Variants in COG6 observed in about 807,000 individuals in gnomAD.
COG6 encodes component of oligomeric golgi complex 6.
A neutral mutation model predicts 88.8 loss-of-function variants in COG6; 74 were observed. The observed-to-expected ratio is 0.83, with a 90% confidence interval of 0.69 to 1.01. The LOEUF is 1.01. Among genes scored for constraint, COG6 ranks in the 50% least tolerant of loss-of-function variants. The pLI is 0.00. For missense variants in COG6, 800 were observed against 797.9 expected, an observed-to-expected ratio of 1.00 and a Z score of -0.03; for synonymous variants, 286 against 278.7, an observed-to-expected ratio of 1.03 and a Z score of -0.26.
At chr13:39,736,119 T>G (rs1057042107) in intron 18 of COG6, among the ~76,000 whole-genome samples, 5 of 152,158 alleles carry the variant, frequency 3.3e-5, no homozygotes, top group African/African-American at 1.2e-4. Flanking sequence ...GCCTCCTCTT[T>G]AAGGCCAACA....
intron 18 of COG6, among the ~76,000 whole-genome samples, chr13:39,773,724 T>A (rs1387672128): frequency 6.6e-6 from 1 of 152,214 alleles, no homozygotes; most frequent in Non-Finnish European, 1.5e-5. Context: ...TTAAGTTCTA[T>A]CCACCTCACA....
At chr13:39,672,606 C>T (rs1338278665) in intron 4 of COG6, among the ~76,000 whole-genome samples, 2 of 151,942 alleles carry the variant, frequency 1.3e-5, no homozygotes, top group Non-Finnish European at 2.9e-5. Flanking sequence ...AATAGTATTC[C>T]ATTGTATAGC....
Position 39,752,506 on chromosome 13 carries a change from G to A in COG6, c.*1413G>A. On this transcript the variant is annotated 3_prime_UTR_variant, in exon 19 of 19. Coordinates refer to ENST00000455146, the MANE Select transcript of COG6 (RefSeq NM_020751.3). ...AAAGTATAAATCAAGAGCTTAAATT[G>A]TATATAATTTATTTCTACAGAGAAA... 2 of 1,157,084 alleles carry A rather than the reference G, an allele frequency of 1.7e-6. No individual in the cohort carries two copies. Among genetic ancestry groups the A allele is most frequent in the Non-Finnish European group, 2.3e-6 (2 of 885,476 alleles). 71.7% of individuals were successfully genotyped at this position (1,157,084 alleles called of 1,614,324 possible). A position where few individuals can be genotyped will look rare whatever the true frequency, so the allele number is the denominator to read the frequency against.
intron 12 of COG6, 60 bp downstream of exon 12, chr13:39,694,785 C>A: frequency 1.1e-6 from 1 of 937,176 alleles, no homozygotes; most frequent in Non-Finnish European, 1.7e-6. Flanking sequence ...TCAGTTAGAG[C>A]ACAGTATAAG....
chr13:39,750,672 T>C (rs1185669515), intron 18 of COG6, among the ~76,000 whole-genome samples: 3 of 152,182 alleles, frequency 2.0e-5, no homozygotes, highest in Non-Finnish European at 4.4e-5. Flanking sequence ...GGCACAAATA[T>C]ATAGCAGTCC....
Position 39,689,776 on chromosome 13 carries a change from T to G in COG6, c.1026T>G (p.Ile342Met). 6.2e-7 allele frequency: 1 copy of G among 1,609,154 alleles called. No homozygotes were observed. The highest frequency in any genetic ancestry group is 1.7e-5 in the Admixed American group (1 of 59,922). Residue 342 changes from isoleucine to methionine, a missense_variant, in exon 11 of 19, where the codon ATT (isoleucine) becomes ATG (methionine). Coordinates refer to ENST00000455146, the MANE Select transcript of COG6 (RefSeq NM_020751.3). ...TAATTTTAGGTGTTGAAGAAAATAT[T>G]CAAGAAGTTGTTGGGCATATCACTG... Reference protein sequence around the residue: ...HVTTQGVEENIQEVVGHITEG... With the variant: ...HVTTQGVEENMQEVVGHITEG...
At chr13:39,775,618 T>A (rs1370375732) in intron 18 of COG6, among the ~76,000 whole-genome samples, 1 of 152,170 alleles carries the variant, frequency 6.6e-6, no homozygotes, top group Non-Finnish European at 1.5e-5. Context: ...CCTGTGACCT[T>A]GCTTGAGTGG....
At chr13:39,661,014 A>G in intron 3 of COG6, 133 bp downstream of exon 3, 3 of 653,786 alleles carry the variant, frequency 4.6e-6, no homozygotes, top group Non-Finnish European at 8.1e-6. Flanking sequence ...CCTTATTTTT[A>G]AAAATTGTAG....
At chr13:39,750,313 A>G (rs1368466118) in intron 18 of COG6, among the ~76,000 whole-genome samples, 1 of 152,134 alleles carries the variant, frequency 6.6e-6, no homozygotes, top group Non-Finnish European at 1.5e-5. Flanking sequence ...TAATGAACCA[A>G]TACTGTTTTT....
intron 15 of COG6, among the ~76,000 whole-genome samples, chr13:39,720,774 A>AT (rs958773430): frequency 2.6e-5 from 4 of 151,734 alleles, no homozygotes; most frequent in African/African-American, 4.8e-5. Context: ...CTACTTATAG[A>AT]TTTTTTTTAG....
At chr13:39,788,521 G>C in exon 19 of COG6, 1 of 649,900 alleles carries the variant, frequency 1.5e-6, no homozygotes, top group Admixed American at 2.7e-5. Context: ...TGGAAATGCT[G>C]TGAGGGATGA....
intron 13 of COG6, among the ~76,000 whole-genome samples, chr13:39,709,702 T>C (rs1289159919): frequency 1.3e-5 from 2 of 152,284 alleles, no homozygotes; most frequent in East Asian, 3.9e-4. Flanking sequence ...TGTGTGTATA[T>C]GTGATATGTA....
intron 18 of COG6, among the ~76,000 whole-genome samples, chr13:39,775,396 A>G (rs1566046348): frequency 6.6e-6 from 1 of 152,226 alleles, no homozygotes; most frequent in Non-Finnish European, 1.5e-5. Context: ...AAAAAGAAAA[A>G]GTATACAACA....
chr13:39,742,604 C>G (rs1239071509), intron 18 of COG6, among the ~76,000 whole-genome samples: 1 of 152,100 alleles, frequency 6.6e-6, no homozygotes, highest in Non-Finnish European at 1.5e-5. Context: ...ATTCATAAAG[C>G]AAGTCCTTAG....
Position 39,719,776 on chromosome 13 carries a change from A to T in COG6, c.1533A>T (p.Thr511=), listed in dbSNP as rs201542120. The T allele has an allele frequency of 1.3e-4, 203 of 1,612,778 alleles. No individual in the cohort carries two copies. Among genetic ancestry groups the T allele is most frequent in the Non-Finnish European group, 1.7e-4 (196 of 1,179,112 alleles). ...ATTCACTATATATGATGAAGACAAC[A>T]TTAGCTCTATTTGAATTCACTGACA... ...MVNSLYMMKT[T]LALFEFTDRR... Residue 511 remains threonine, a synonymous_variant, in exon 15 of 19, where the codon ACA becomes ACT. Transcript: ENST00000455146.
chr13:39,776,729 G>A (rs551416963), intron 18 of COG6, among the ~76,000 whole-genome samples: 1 of 151,820 alleles, frequency 6.6e-6, no homozygotes, highest in South Asian at 2.1e-4. Flanking sequence ...CTGGTCTTTA[G>A]TGACTCAGGT....
At chr13:39,789,342 G>T (rs1881869051) in exon 19 of COG6, 1 of 152,158 alleles carries the variant, frequency 6.6e-6, no homozygotes, top group Admixed American at 6.5e-5. Context: ...TGATTTTGTT[G>T]TTAAGAATCA....
intron 18 of COG6, among the ~76,000 whole-genome samples, chr13:39,781,162 T>C (rs573731310): frequency 3.3e-5 from 5 of 152,024 alleles, no homozygotes; most frequent in Non-Finnish European, 5.9e-5. Flanking sequence ...GTGAAGGGCC[T>C]GGGGGTGGGG....
chr13:39,726,079 G>T (rs1229682823), intron 17 of COG6, among the ~76,000 whole-genome samples: 1 of 151,906 alleles, frequency 6.6e-6, no homozygotes, highest in Non-Finnish European at 1.5e-5. Context: ...TGTCTCTGGA[G>T]AAACAAATCT....
Sources: gnomAD v4.1 joint callset for allele counts (sites outside exome capture counted in the v4.1 genomes callset) on GRCh38, gnomAD v4.1.1 for gene constraint, MANE v1.5 for transcripts, NCBI Gene and HGNC (gene_info 2026-07-23, HGNC 2026-07-21) for gene names.